Variants in PTPRD observed in about 807,000 individuals in gnomAD.
PTPRD encodes the protein receptor-type tyrosine-protein phosphatase delta.
In PTPRD, 34 loss-of-function variants were observed where a neutral mutation model predicts 214.5. The ratio of observed to expected loss-of-function variants is 0.16; its 90% confidence interval spans 0.12 to 0.21. The LOEUF is 0.21. Among genes scored for constraint, PTPRD ranks in the 10% least tolerant of loss-of-function variants. The probability of loss-of-function intolerance (pLI) is 1.00; values close to 1 mark genes in which losing one functional copy is unlikely to be tolerated. For missense variants in PTPRD, 2,545 were observed against 2,398.7 expected, an observed-to-expected ratio of 1.06 and a Z score of -1.27; for synonymous variants, 1,128 against 845.7, an observed-to-expected ratio of 1.33 and a Z score of -5.79.
intron 4 of PTPRD, among the ~76,000 whole-genome samples, chr9:9,947,561 A>T (rs866703987): frequency 1.5e-4 from 6 of 40,246 alleles, no homozygotes; most frequent in African/African-American, 5.0e-4. Flanking sequence ...TTATATATAT[A>T]TTTTATATAT....
At chr9:9,533,809 C>G (rs2075986625) in intron 8 of PTPRD, among the ~76,000 whole-genome samples, 1 of 151,822 alleles carries the variant, frequency 6.6e-6, no homozygotes, top group African/African-American at 2.4e-5. Flanking sequence ...TTCTGTGGGA[C>G]AAGAGAGTGG....
At chr9:8,417,511 G>T (rs78141476) in intron 35 of PTPRD, among the ~76,000 whole-genome samples, 6,040 of 152,242 alleles carry the variant, frequency 0.04, 172 homozygotes, top group African/African-American at 0.078. Flanking sequence ...ATGGTTTAAT[G>T]GATAGCACTT....
At chr9:10,084,864 A>C (rs2098305507) in intron 3 of PTPRD, among the ~76,000 whole-genome samples, 1 of 151,928 alleles carries the variant, frequency 6.6e-6, no homozygotes, top group Non-Finnish European at 1.5e-5. Context: ...CTTAGAACAT[A>C]ATACATAAAT....
intron 3 of PTPRD, among the ~76,000 whole-genome samples, chr9:10,325,866 A>G (rs1034606744): frequency 3.9e-5 from 6 of 152,008 alleles, no homozygotes; most frequent in African/African-American, 1.4e-4. Flanking sequence ...TAAAAGAATA[A>G]GGATAATTTT....
intron 4 of PTPRD, among the ~76,000 whole-genome samples, chr9:10,024,666 C>G (rs537445284): frequency 6.6e-6 from 1 of 151,570 alleles, no homozygotes; most frequent in South Asian, 2.1e-4. Flanking sequence ...TTTTAGGGTA[C>G]ATGTGCACAA....
intron 9 of PTPRD, among the ~76,000 whole-genome samples, chr9:9,249,969 T>A (rs10739186): frequency 0.76 from 115,094 of 152,002 alleles, 43,903 homozygotes; most frequent in Non-Finnish European, 0.79. Context: ...AGTGTTATTT[T>A]AAAAAATCCC....
At chr9:8,970,636 A>C (rs1447196150) in intron 11 of PTPRD, among the ~76,000 whole-genome samples, 1 of 151,810 alleles carries the variant, frequency 6.6e-6, no homozygotes, top group Non-Finnish European at 1.5e-5. Context: ...CCCAAATTAC[A>C]ACTAAAAATC....
At chr9:8,572,455 C>A (rs1445028857) in intron 14 of PTPRD, among the ~76,000 whole-genome samples, 1 of 151,896 alleles carries the variant, frequency 6.6e-6, no homozygotes, top group Non-Finnish European at 1.5e-5. Flanking sequence ...CATAAAATGA[C>A]TTCAGGGAAA....
At chr9:9,036,802 C>G (rs1250844611) in intron 10 of PTPRD, among the ~76,000 whole-genome samples, 1 of 152,070 alleles carries the variant, frequency 6.6e-6, no homozygotes, top group Non-Finnish European at 1.5e-5. Context: ...CATATATATC[C>G]CACCCTGTTA....
chr9:9,925,181 T>A (rs181038808), intron 5 of PTPRD, among the ~76,000 whole-genome samples: 1 of 152,214 alleles, frequency 6.6e-6, no homozygotes, highest in African/African-American at 2.4e-5. Context: ...AAATTTTTAG[T>A]GGCAATGATC....
chr9:8,582,302 G>C (rs751565026), intron 14 of PTPRD, among the ~76,000 whole-genome samples: 11 of 152,114 alleles, frequency 7.2e-5, no homozygotes, highest in Non-Finnish European at 1.2e-4. Context: ...ACGTAAATGT[G>C]AAAAAGTAAA....
intron 3 of PTPRD, among the ~76,000 whole-genome samples, chr9:10,255,975 A>G (rs572022615): frequency 7.2e-5 from 11 of 152,266 alleles, no homozygotes; most frequent in Admixed American, 2.6e-4. Context: ...GCAGCAGGTG[A>G]GCGAGCACTA....
chr9:9,096,242 G>A (rs2099783334), intron 10 of PTPRD, among the ~76,000 whole-genome samples: 1 of 152,122 alleles, frequency 6.6e-6, no homozygotes, highest in South Asian at 2.1e-4. Context: ...GCCACAAAAT[G>A]GATAACTGTG....
At chr9:8,929,745 G>GTA (rs200883991) in intron 11 of PTPRD, among the ~76,000 whole-genome samples, 8 of 88,786 alleles carry the variant, frequency 9.0e-5, no homozygotes, top group South Asian at 7.8e-4. Flanking sequence ...ATATATATGT[G>GTA]TATATATATA....
At chr9:8,917,426 C>T (rs775446714) in intron 11 of PTPRD, among the ~76,000 whole-genome samples, 9 of 151,808 alleles carry the variant, frequency 5.9e-5, no homozygotes, top group East Asian at 1.9e-4. Flanking sequence ...TGTGAGCCAC[C>T]GCGCCCGGCC....
chr9:9,890,903 A>G (rs964956047), intron 5 of PTPRD, among the ~76,000 whole-genome samples: 1 of 152,170 alleles, frequency 6.6e-6, no homozygotes, highest in Non-Finnish European at 1.5e-5. Context: ...GATTTTGCAT[A>G]AGACCATCAG....
At chr9:8,721,413 G>A (rs1437058982) in intron 12 of PTPRD, among the ~76,000 whole-genome samples, 6 of 142,536 alleles carry the variant, frequency 4.2e-5, no homozygotes, top group Non-Finnish European at 7.5e-5. Flanking sequence ...CTGGACGACT[G>A]AGTGAGACTC....
intron 8 of PTPRD, among the ~76,000 whole-genome samples, chr9:9,526,315 G>T (rs1323274397): frequency 6.6e-6 from 1 of 152,156 alleles, no homozygotes; most frequent in Non-Finnish European, 1.5e-5. Flanking sequence ...ACTTGGGTGG[G>T]CATGGACATG....
rs3050038 is a variant in PTPRD at position 9,758,148 on chromosome 9, C to CAAA, written c.-326+8659_-326+8661dup. On this transcript the variant is annotated intron_variant, in intron 6 of 45. Transcript: ENST00000381196. ...GTTCACATCTCAAGAGTAAAAATGG[C>CAAA]AAAAAAAAAAAAAAATTGTATTCTC... Among the ~76,000 whole-genome samples the CAAA allele has an allele frequency of 3.5e-3, 404 of 114,926 alleles. 4 individuals are homozygous for CAAA. Among genetic ancestry groups the CAAA allele is most frequent in the African/African-American group, 0.012 (351 of 29,734 alleles). The allele number at this position is 114,926 out of a possible 152,430, so 75.4% of individuals were successfully genotyped here. A position where few individuals can be genotyped will look rare whatever the true frequency, so the allele number is the denominator to read the frequency against.
Sources: gnomAD v4.1 joint callset for allele counts (sites outside exome capture counted in the v4.1 genomes callset) on GRCh38, gnomAD v4.1.1 for gene constraint, MANE v1.5 for transcripts, NCBI Gene and HGNC (gene_info 2026-07-23, HGNC 2026-07-21) for gene names.